ST6GALNAC3: variants seen among roughly 807,000 people sequenced by gnomAD.
ST6GALNAC3 encodes alpha-N-acetylgalactosaminide alpha-2,6-sialyltransferase 3.
In ST6GALNAC3, 25 loss-of-function variants were observed where a neutral mutation model predicts 32.7. The observed-to-expected ratio is 0.76, with a 90% CI of 0.56 to 1.07. ST6GALNAC3 has a LOEUF of 1.07. Among genes scored for constraint, ST6GALNAC3 ranks in the 50% least tolerant of loss-of-function variants. ST6GALNAC3 has a pLI of 0.00. For synonymous variants in ST6GALNAC3, 129 were observed against 133.1 expected, an observed-to-expected ratio of 0.97 and a Z score of 0.21; for missense variants, 355 against 382.4, an observed-to-expected ratio of 0.93 and a Z score of 0.60.
rs1475065729 is a variant in ST6GALNAC3 at position 76,324,004 on chromosome 1, T to C, written c.213+10005T>C. Among the ~76,000 whole-genome samples the C allele has an allele frequency of 5.3e-5, 8 of 152,036 alleles. No individual in the cohort carries two copies. The East Asian group carries it at 1.6e-3, about 29-fold the overall frequency. The stretch of plus-strand genomic sequence containing the variant: ...CCTCCCAAGTAGTTGGGACAACAGG[T>C]GTGCACCACCATGCCCGGCTTAATT... On this transcript the variant is annotated intron_variant, in intron 2 of 4. Coordinates refer to ENST00000328299, the MANE Select transcript of ST6GALNAC3 (RefSeq NM_152996.4).
chr1:76,335,479 A>G (rs1472934282), intron 2 of ST6GALNAC3, among the ~76,000 whole-genome samples: 2 of 151,796 alleles, frequency 1.3e-5, no homozygotes, highest in Non-Finnish European at 1.5e-5. Flanking sequence ...TCAGATTGGG[A>G]CCATTTAGAC....
At chr1:76,467,960 A>C (rs541282397) in intron 3 of ST6GALNAC3, among the ~76,000 whole-genome samples, 1 of 152,132 alleles carries the variant, frequency 6.6e-6, no homozygotes, top group East Asian at 1.9e-4. Flanking sequence ...AGGAGCTTGC[A>C]TTTAAGTGCC....
intron 3 of ST6GALNAC3, among the ~76,000 whole-genome samples, chr1:76,531,067 G>T (rs574644081): frequency 2.5e-4 from 38 of 152,286 alleles, no homozygotes; most frequent in Non-Finnish European, 4.4e-4. Context: ...GTGATCTGCA[G>T]GTACCCTCAA....
intron 3 of ST6GALNAC3, among the ~76,000 whole-genome samples, chr1:76,450,578 T>A (rs1657321887): frequency 6.6e-6 from 1 of 152,186 alleles, no homozygotes; most frequent in Non-Finnish European, 1.5e-5. Flanking sequence ...TGCATCTATT[T>A]ATCTTTGTTT....
intron 3 of ST6GALNAC3, among the ~76,000 whole-genome samples, chr1:76,608,933 A>C (rs1304730549): frequency 1.3e-5 from 2 of 152,124 alleles, no homozygotes; most frequent in African/African-American, 4.8e-5. Context: ...ACAAATTTTT[A>C]TTAAGATGAT....
chr1:76,224,068 C>G (rs1315991883), intron 1 of ST6GALNAC3, among the ~76,000 whole-genome samples: 1 of 152,166 alleles, frequency 6.6e-6, no homozygotes, highest in African/African-American at 2.4e-5. Context: ...AGACTCACCC[C>G]ACACTGACCT....
At chr1:76,479,534 A>G (rs1659587031) in intron 3 of ST6GALNAC3, among the ~76,000 whole-genome samples, 1 of 152,254 alleles carries the variant, frequency 6.6e-6, no homozygotes, top group African/African-American at 2.4e-5. Context: ...TTGCCATGTC[A>G]TAACATGGCG....
chr1:76,585,043 CTTGGGATTG>C (rs57933262), intron 3 of ST6GALNAC3, among the ~76,000 whole-genome samples: 4,895 of 152,200 alleles, frequency 0.032, 272 homozygotes, highest in African/African-American at 0.11. Context: ...TCCTTGAGGA[CTTGGGATTG>C]TTACCACAGC....
At chr1:76,439,406 G>A (rs938469403) in intron 3 of ST6GALNAC3, among the ~76,000 whole-genome samples, 2 of 152,156 alleles carry the variant, frequency 1.3e-5, no homozygotes, top group Admixed American at 1.3e-4. Context: ...AAGGAAGTTT[G>A]TTTAAAAAGG....
chr1:76,109,008 T>G (rs953433299), intron 1 of ST6GALNAC3, among the ~76,000 whole-genome samples: 4 of 152,154 alleles, frequency 2.6e-5, no homozygotes, highest in African/African-American at 9.7e-5. Context: ...CATACTGTGA[T>G]TCTGTTTTTA....
chr1:76,212,675 G>T (rs557983638), intron 1 of ST6GALNAC3, among the ~76,000 whole-genome samples: 2 of 151,666 alleles, frequency 1.3e-5, no homozygotes, highest in African/African-American at 4.8e-5. Context: ...TTTTTTCCCC[G>T]CTAGAAAAGA....
chr1:76,267,772 A>C (rs1658616462), intron 1 of ST6GALNAC3, among the ~76,000 whole-genome samples: 1 of 152,218 alleles, frequency 6.6e-6, no homozygotes. Flanking sequence ...TTGTGAATGG[A>C]AAGCAGCTGA....
intron 3 of ST6GALNAC3, among the ~76,000 whole-genome samples, chr1:76,495,608 T>G (rs1268154573): frequency 6.6e-6 from 1 of 152,074 alleles, no homozygotes; most frequent in Non-Finnish European, 1.5e-5. Flanking sequence ...AAATATAACC[T>G]TTTTTTCTTC....
At chr1:76,419,824 G>C (rs1188974567) in intron 3 of ST6GALNAC3, among the ~76,000 whole-genome samples, 1 of 152,108 alleles carries the variant, frequency 6.6e-6, no homozygotes, top group East Asian at 1.9e-4. Flanking sequence ...TTGCCGAATT[G>C]AATTTTTGCT....
chr1:76,577,418 C>A (rs990474801), intron 3 of ST6GALNAC3: 1 of 646,586 alleles, frequency 1.5e-6, no homozygotes, highest in East Asian at 1.4e-4. Flanking sequence ...CTGATAGTAT[C>A]TTGGCTCACT....
At chr1:76,214,586 T>C (rs1655353081) in intron 1 of ST6GALNAC3, among the ~76,000 whole-genome samples, 1 of 152,202 alleles carries the variant, frequency 6.6e-6, no homozygotes, top group Non-Finnish European at 1.5e-5. Flanking sequence ...ACACATTTAC[T>C]TCAGTGACTG....
In ST6GALNAC3 at chr1:76,632,274, T is replaced by C. The variant is rs559026914; in HGVS notation, c.*3468T>C. The C allele has an allele frequency of 1.3e-5, 2 of 152,206 alleles. No individual in the cohort carries two copies. The highest frequency in any genetic ancestry group is 4.1e-4 in the South Asian group (2 of 4,830). The allele number at this position is 152,206 out of a possible 1,614,324, so 9.4% of individuals were successfully genotyped here. A position where few individuals can be genotyped will look rare whatever the true frequency, so the allele number is the denominator to read the frequency against. ...AGTACGTAAAATCATATTCAAAAGC[T>C]GGCCAGAAGAATAAAGCTAGAGAAG... On this transcript the variant is annotated 3_prime_UTR_variant, in exon 5 of 5. Coordinates refer to ENST00000328299, the MANE Select transcript of ST6GALNAC3 (RefSeq NM_152996.4).
At chr1:76,580,516 TA>T (rs1431788123) in intron 3 of ST6GALNAC3, among the ~76,000 whole-genome samples, 1 of 152,158 alleles carries the variant, frequency 6.6e-6, no homozygotes, top group Non-Finnish European at 1.5e-5. Context: ...CAACCTGTTT[TA>T]TTCTTCTCAC....
intron 3 of ST6GALNAC3, among the ~76,000 whole-genome samples, chr1:76,482,329 C>CA (rs542351651): frequency 2.0e-5 from 3 of 151,538 alleles, no homozygotes; most frequent in East Asian, 1.9e-4. Flanking sequence ...AAAAGGAAGA[C>CA]AAAAAAAAGA....
Sources: allele counts gnomAD v4.1 joint callset (sites outside exome capture counted in the v4.1 genomes callset), GRCh38; gene constraint gnomAD v4.1.1; transcripts MANE v1.5; gene names NCBI Gene and HGNC (gene_info 2026-07-23, HGNC 2026-07-21).